CFAP54: variants seen among roughly 807,000 people sequenced by gnomAD.
CFAP54 encodes cilia- and flagella-associated protein 54.
CFAP54 carries 290 observed loss-of-function variants against 370.4 expected under a neutral mutation model. The observed-to-expected ratio is 0.78, with a 90% CI of 0.71 to 0.86. CFAP54 has a LOEUF of 0.86. CFAP54 is among the 40% of genes least tolerant of loss of function. CFAP54 has a pLI of 0.00. For synonymous variants in CFAP54, 1,206 were observed against 1,236.5 expected, an observed-to-expected ratio of 0.98 and a Z score of 0.52; for missense variants, 3,399 against 3,528.7, an observed-to-expected ratio of 0.96 and a Z score of 0.93.
intron 65 of CFAP54, among the ~76,000 whole-genome samples, chr12:96,825,379 G>GTAACATGTA (rs1565992624): frequency 9.1e-6 from 1 of 110,298 alleles, no homozygotes; most frequent in East Asian, 2.6e-4. Flanking sequence ...TGTAACATGT[G>GTAACATGTA]TTATATATTA....
At chr12:96,576,902 C>T (rs1360741540) in intron 20 of CFAP54, 141 bp downstream of exon 20, 1 of 689,732 alleles carries the variant, frequency 1.4e-6, no homozygotes, top group Non-Finnish European at 2.3e-6. Flanking sequence ...ATTCCAATGT[C>T]TTATCTATAC....
At chr12:96,692,866 C>A (rs1294568030) in intron 44 of CFAP54, among the ~76,000 whole-genome samples, 2 of 152,146 alleles carry the variant, frequency 1.3e-5, no homozygotes, top group Non-Finnish European at 2.9e-5. Flanking sequence ...AATGGGGATC[C>A]CAATCTCCCT....
At chr12:96,734,125 T>A (rs1592732526) in intron 50 of CFAP54, among the ~76,000 whole-genome samples, 1 of 152,194 alleles carries the variant, frequency 6.6e-6, no homozygotes, top group East Asian at 1.9e-4. Flanking sequence ...CTTAGAAAAT[T>A]TTCTACAAAT....
chr12:96,637,230 A>G (rs1336906758), intron 32 of CFAP54, among the ~76,000 whole-genome samples: 1 of 152,084 alleles, frequency 6.6e-6, no homozygotes. Flanking sequence ...TCAGTATTAC[A>G]TTTCTTTATT....
At chr12:96,805,130 T>TA (rs1047804163) in intron 63 of CFAP54, among the ~76,000 whole-genome samples, 10 of 151,926 alleles carry the variant, frequency 6.6e-5, no homozygotes, top group African/African-American at 1.5e-4. Context: ...CTGAAATTAT[T>TA]AAAAAAATCC....
intron 22 of CFAP54, 43 bp downstream of exon 22, chr12:96,581,148 TC>T: frequency 7.6e-7 from 1 of 1,310,524 alleles, no homozygotes; most frequent in Non-Finnish European, 9.9e-7. Flanking sequence ...TGTTTTTTTT[TC>T]CATTAAGCAG....
rs1459530899 is a variant in CFAP54 at position 96,636,102 on chromosome 12, T to G, written c.4316+5451T>G. On this transcript the variant is annotated intron_variant, in intron 32 of 67. Transcript: ENST00000524981. ...TCTAGAGGCTCTACCCTGAGTCGCC[T>G]CCTTAGCATAGACTTACATAGGTTC... is the stretch of plus-strand genomic sequence containing the variant. Among the ~76,000 whole-genome samples the G allele has an allele frequency of 2.0e-5, 3 of 152,290 alleles. No homozygotes were observed. The East Asian group carries it at 5.8e-4, about 29-fold the overall frequency.
At chr12:96,747,403 T>C (rs1359305268) in intron 55 of CFAP54, among the ~76,000 whole-genome samples, 1 of 152,216 alleles carries the variant, frequency 6.6e-6, no homozygotes, top group African/African-American at 2.4e-5. Flanking sequence ...TCTGCTATAA[T>C]GAACTACAAT....
chr12:96,675,743 G>T (rs1333925189), intron 39 of CFAP54, among the ~76,000 whole-genome samples: 1 of 152,096 alleles, frequency 6.6e-6, no homozygotes, highest in African/African-American at 2.4e-5. Flanking sequence ...ATACACCATG[G>T]AATACTATGC....
chr12:96,828,978 A>G, intron 65 of CFAP54, 36 bp from the exon 66 acceptor site: 1 of 1,123,052 alleles, frequency 8.9e-7, no homozygotes, highest in Non-Finnish European at 1.3e-6. Flanking sequence ...TTCTAATAAT[A>G]TCAACCTCAC....
chr12:96,581,571 A>G (rs553019208), intron 22 of CFAP54, among the ~76,000 whole-genome samples: 16 of 152,208 alleles, frequency 1.1e-4, no homozygotes, highest in African/African-American at 3.9e-4. Context: ...ATAGCAAAGA[A>G]TTATCCAGCA....
Position 96,626,911 on chromosome 12 carries a change from A to C in CFAP54, c.4075A>C (p.Thr1359Pro). 1 of 1,426,938 alleles carries C rather than the reference A, an allele frequency of 7.0e-7. No individual in the cohort carries two copies. The allele number at this position is 1,426,938 out of a possible 1,614,324, so 88.4% of individuals were successfully genotyped here. A position where few individuals can be genotyped will look rare whatever the true frequency, so the allele number is the denominator to read the frequency against. The change falls in exon 30 of 68, where the codon ACA becomes CCA. Residue 1359 changes from threonine (T) to proline (P), a missense_variant. This residue lies in a region of CFAP54 where 2,796 missense variants were observed against 2,869.7 expected (regional missense o/e 0.97). Coordinates refer to ENST00000524981, the MANE Select transcript of CFAP54 (RefSeq NM_001306084.2). Reference sequence around the variant, plus strand: ...AAAATTTCATCTTATGGTAGAGGTAACAACTCCTGTCCATGACTTCTTGAA... The same window carrying C: ...AAAATTTCATCTTATGGTAGAGGTACCAACTCCTGTCCATGACTTCTTGAA... The part of the protein sequence containing the change: ...EEKFHLMVEV[T>P]TPVHDFLKRR...
intron 19 of CFAP54, among the ~76,000 whole-genome samples, chr12:96,568,373 C>T (rs1955882675): frequency 6.6e-6 from 1 of 151,754 alleles, no homozygotes; most frequent in African/African-American, 2.4e-5. Flanking sequence ...TATGAGGAGC[C>T]CTCTAAAGAA....
intron 39 of CFAP54, among the ~76,000 whole-genome samples, chr12:96,673,500 G>A (rs1189136447): frequency 1.3e-5 from 2 of 152,170 alleles, no homozygotes; most frequent in Non-Finnish European, 2.9e-5. Context: ...TCATTAAAAG[G>A]TTAGCATCCA....
chr12:96,677,106 G>A (rs1957218810), intron 39 of CFAP54, among the ~76,000 whole-genome samples: 1 of 151,846 alleles, frequency 6.6e-6, no homozygotes, highest in African/African-American at 2.4e-5. Context: ...GGGCTCAGGT[G>A]ATCCTCCCAC....
chr12:96,825,398 G>T, intron 65 of CFAP54, among the ~76,000 whole-genome samples: 1 of 102,864 alleles, frequency 9.7e-6, no homozygotes, highest in Non-Finnish European at 1.8e-5. Context: ...TATGTAACAT[G>T]TTGTATTATA....
At chr12:96,677,308 G>A (rs1957222890) in intron 39 of CFAP54, among the ~76,000 whole-genome samples, 1 of 152,108 alleles carries the variant, frequency 6.6e-6, no homozygotes, top group South Asian at 2.1e-4. Context: ...CACAGCACCT[G>A]ATGAGAAATA....
At chr12:96,551,339 G>A (rs1592846845) in intron 15 of CFAP54, among the ~76,000 whole-genome samples, 1 of 152,100 alleles carries the variant, frequency 6.6e-6, no homozygotes, top group African/African-American at 2.4e-5. Context: ...CTCAACTTGG[G>A]TAGTGAGAAG....
intron 39 of CFAP54, among the ~76,000 whole-genome samples, chr12:96,674,634 G>T (rs781481408): frequency 1.3e-5 from 2 of 152,072 alleles, no homozygotes; most frequent in Non-Finnish European, 2.9e-5. Flanking sequence ...GTGAAATATA[G>T]TTTAGGAAGA....
Sources: allele counts gnomAD v4.1 joint callset (sites outside exome capture counted in the v4.1 genomes callset), GRCh38; gene constraint gnomAD v4.1.1; regional missense constraint gnomAD v4.1.1; transcripts MANE v1.5; gene names NCBI Gene and HGNC (gene_info 2026-07-23, HGNC 2026-07-21).